CFAP299: variants seen among roughly 807,000 people sequenced by gnomAD.
CFAP299 encodes the protein cilia and flagella associated protein 299.
A neutral mutation model predicts 27.0 loss-of-function variants in CFAP299; 21 were observed. The ratio of observed to expected loss-of-function variants is 0.78; its 90% CI spans 0.55 to 1.12. CFAP299 has a LOEUF of 1.12. CFAP299 is among the 50% of genes most tolerant of loss of function. CFAP299 has a pLI of 0.00. For synonymous variants in CFAP299, 104 were observed against 98.1 expected, an observed-to-expected ratio of 1.06 and a Z score of -0.36; for missense variants, 310 against 276.6, an observed-to-expected ratio of 1.12 and a Z score of -0.86.
chr4:80,430,523 A>C (rs529821172), intron 2 of CFAP299, among the ~76,000 whole-genome samples: 1 of 152,302 alleles, frequency 6.6e-6, no homozygotes, highest in East Asian at 1.9e-4. Flanking sequence ...CCTTCATTGC[A>C]TATTTGACTT....
intron 3 of CFAP299, among the ~76,000 whole-genome samples, chr4:80,770,061 T>C (rs1367108845): frequency 2.6e-5 from 4 of 152,152 alleles, no homozygotes. Flanking sequence ...TTGTTTCCTG[T>C]CAGAAGAATT....
intron 3 of CFAP299, among the ~76,000 whole-genome samples, chr4:80,678,037 A>G (rs1719582262): frequency 6.6e-6 from 1 of 151,984 alleles, no homozygotes; most frequent in Admixed American, 6.6e-5. Flanking sequence ...GGATTCTCTT[A>G]TATTTCCTTT....
chr4:80,664,359 T>C (rs1479567840), intron 3 of CFAP299, among the ~76,000 whole-genome samples: 3 of 152,042 alleles, frequency 2.0e-5, no homozygotes, highest in Admixed American at 1.3e-4. Context: ...TTCTCCCAGA[T>C]GCTCTCTCTC....
intron 2 of CFAP299, among the ~76,000 whole-genome samples, chr4:80,456,251 C>A (rs768955232): frequency 1.3e-5 from 2 of 152,020 alleles, no homozygotes; most frequent in Non-Finnish European, 2.9e-5. Context: ...AGCTTCATGG[C>A]AAGACATAAT....
intron 2 of CFAP299, among the ~76,000 whole-genome samples, chr4:80,481,926 T>C (rs1413324609): frequency 6.6e-6 from 1 of 152,018 alleles, no homozygotes; most frequent in East Asian, 1.9e-4. Flanking sequence ...ATATCAAATA[T>C]TTAATTAAGA....
At chr4:80,416,174 C>A (rs1033745101) in intron 2 of CFAP299, among the ~76,000 whole-genome samples, 3 of 152,144 alleles carry the variant, frequency 2.0e-5, no homozygotes, top group South Asian at 2.1e-4. Flanking sequence ...AAATCTGGCA[C>A]TGGGGTTGTT....
chr4:80,632,034 TGAA>T (rs201308640), intron 3 of CFAP299, among the ~76,000 whole-genome samples: 30 of 152,128 alleles, frequency 2.0e-4, no homozygotes, highest in Admixed American at 3.9e-4. Context: ...CTCCCGACCC[TGAA>T]GAAGAAGAGC....
At chr4:80,387,069 T>C in intron 2 of CFAP299, 1 of 1,430,140 alleles carries the variant, frequency 7.0e-7, no homozygotes, top group Non-Finnish European at 9.9e-7. Flanking sequence ...GCAGGGGAAG[T>C]TGTGAGTGGC....
intron 4 of CFAP299, among the ~76,000 whole-genome samples, chr4:80,905,759 G>T (rs990033541): frequency 6.6e-6 from 1 of 152,154 alleles, no homozygotes; most frequent in African/African-American, 2.4e-5. Flanking sequence ...GATCTCGTGA[G>T]AACTCGTTAT....
At chr4:80,592,410 C>G (rs1161506825) in intron 3 of CFAP299, among the ~76,000 whole-genome samples, 1 of 152,134 alleles carries the variant, frequency 6.6e-6, no homozygotes, top group East Asian at 1.9e-4. Context: ...TTCTGGCTGC[C>G]TAACCTTAAC....
Position 80,869,979 on chromosome 4 carries a change from T to A in CFAP299, c.334-14T>A. On this transcript the variant is annotated splice_polypyrimidine_tract_variant and intron_variant, in intron 3 of 5. Coordinates refer to ENST00000358105, the MANE Select transcript of CFAP299 (RefSeq NM_152770.3). ...TTTTATATTTTTGTCTTATTCTCTA[T>A]TCTGTGCTACCAGTCCGTGATCTTT... The A allele has an allele frequency of 6.3e-7, 1 of 1,597,926 alleles. No individual in the cohort carries two copies. Among genetic ancestry groups the A allele is most frequent in the South Asian group, 1.1e-5 (1 of 88,128 alleles).
intron 2 of CFAP299, among the ~76,000 whole-genome samples, chr4:80,507,506 G>A (rs1401857364): frequency 2.0e-5 from 3 of 152,038 alleles, no homozygotes; most frequent in Non-Finnish European, 4.4e-5. Context: ...ACTAGGTTTA[G>A]AAGCATTGCT....
intron 3 of CFAP299, among the ~76,000 whole-genome samples, chr4:80,609,748 C>G (rs1408618149): frequency 6.6e-6 from 1 of 151,628 alleles, no homozygotes; most frequent in Non-Finnish European, 1.5e-5. Flanking sequence ...TTTGGTAGTT[C>G]TCTAGTAATA....
chr4:80,960,567 A>G (rs1267394985), intron 5 of CFAP299, among the ~76,000 whole-genome samples: 1 of 151,688 alleles, frequency 6.6e-6, no homozygotes, highest in African/African-American at 2.4e-5. Flanking sequence ...GAAAACCACT[A>G]CTCTATATAT....
intron 2 of CFAP299, chr4:80,387,966 T>G: frequency 1.3e-6 from 1 of 759,246 alleles, no homozygotes; most frequent in South Asian, 1.6e-5. Context: ...CTGTACACTG[T>G]GGGGGTGGGG....
chr4:80,933,439 A>C (rs1736731513), intron 4 of CFAP299, among the ~76,000 whole-genome samples: 1 of 152,140 alleles, frequency 6.6e-6, no homozygotes, highest in Non-Finnish European at 1.5e-5. Context: ...ATAGTGCCCA[A>C]CAGGTCCGTG....
chr4:80,563,518 A>G (rs912850317), intron 2 of CFAP299, among the ~76,000 whole-genome samples: 1 of 152,112 alleles, frequency 6.6e-6, no homozygotes, highest in Non-Finnish European at 1.5e-5. Context: ...GAAACACAAC[A>G]TATCAAAATC....
At chr4:80,669,573 T>C (rs955053408) in intron 3 of CFAP299, among the ~76,000 whole-genome samples, 7 of 151,676 alleles carry the variant, frequency 4.6e-5, no homozygotes, top group Middle Eastern at 6.9e-3. Flanking sequence ...TAACAGTTTT[T>C]CTTTTTTTTT....
At chr4:80,747,463 A>C (rs1724687053) in intron 3 of CFAP299, among the ~76,000 whole-genome samples, 1 of 152,090 alleles carries the variant, frequency 6.6e-6, no homozygotes. Context: ...TATGTGGTGC[A>C]TGAATGTATA....
Sources: gnomAD v4.1 joint callset for allele counts (sites outside exome capture counted in the v4.1 genomes callset) on GRCh38, gnomAD v4.1.1 for gene constraint, MANE v1.5 for transcripts, NCBI Gene and HGNC (gene_info 2026-07-23, HGNC 2026-07-21) for gene names.